The following HMGN1 variants were observed in gnomAD, a reference collection of about 807,000 sequenced individuals.
The protein encoded by HMGN1 is high mobility group nucleosome binding domain 1, also known as non-histone chromosomal protein HMG-14.
HMGN1 carries 9 observed loss-of-function variants against 18.4 expected under a neutral mutation model. The ratio of observed to expected loss-of-function variants is 0.49; its 90% CI spans 0.29 to 0.85. The LOEUF is 0.85. Ranked by LOEUF, HMGN1 falls within the 40% of genes least tolerant of loss-of-function variation. The pLI is 0.07. For missense variants in HMGN1, 151 were observed against 119.2 expected, an observed-to-expected ratio of 1.27 and a Z score of -1.24; for synonymous variants, 59 against 45.0, an observed-to-expected ratio of 1.31 and a Z score of -1.24.
chr21:39,343,296 T>C (rs144600869), intron 5 of HMGN1, 137 bp from the exon 6 acceptor site: 9 of 778,396 alleles, frequency 1.2e-5, no homozygotes, highest in East Asian at 2.7e-5. Context: ...TAAAAAACTT[T>C]TGTTAACCAC....
At chr21:39,347,920 T>C in intron 4 of HMGN1, 1 of 1,046,268 alleles carries the variant, frequency 9.6e-7, no homozygotes, top group Non-Finnish European at 1.2e-6. Context: ...ACTTACACGT[T>C]CCCTTTCTCC....
intron 5 of HMGN1, 133 bp from the exon 6 acceptor site, chr21:39,343,292 A>C: frequency 1.2e-6 from 1 of 809,948 alleles, no homozygotes; most frequent in African/African-American, 1.7e-5. Context: ...TTGTTAAAAA[A>C]CTTTTGTTAA....
At chr21:39,346,916 C>T (rs190382311) in intron 4 of HMGN1, 1 of 152,280 alleles carries the variant, frequency 6.6e-6, no homozygotes, top group Admixed American at 6.5e-5. Flanking sequence ...TGTCCCAAAC[C>T]CACTGAGAGT....
At chr21:39,345,626 A>C (rs2037023954) in intron 4 of HMGN1, 2 of 390,658 alleles carry the variant, frequency 5.1e-6, no homozygotes, top group East Asian at 6.7e-5. Flanking sequence ...CATTAGACAT[A>C]TGACAAATCC....
chr21:39,348,625 C>T, intron 1 of HMGN1, 48 bp from the exon 2 acceptor site: 3 of 1,521,590 alleles, frequency 2.0e-6, no homozygotes, highest in Non-Finnish European at 2.6e-6. Flanking sequence ...AGTCCCAGGA[C>T]TCGCGGGCCC....
intron 4 of HMGN1, chr21:39,345,597 G>A (rs2037022987): frequency 4.9e-6 from 2 of 405,262 alleles, no homozygotes; most frequent in East Asian, 1.2e-4. Flanking sequence ...GATTTTAATA[G>A]TACTTGCATG....
At chr21:39,346,100 G>GT in intron 4 of HMGN1, 1 of 464,150 alleles carries the variant, frequency 2.2e-6, no homozygotes, top group South Asian at 1.9e-5. Flanking sequence ...TTCCTTGTTA[G>GT]TAAGTATACA....
In HMGN1 at chr21:39,348,421, C is replaced by G; in HGVS notation, c.78+1G>C. On this transcript the variant is annotated splice_donor_variant, in intron 3 of 5. Coordinates refer to ENST00000380749, the MANE Select transcript of HMGN1 (RefSeq NM_004965.7). LOFTEE classifies it high-confidence loss of function. ...ACGGTTACGGGGCTCGCTTTACTTA[C>G]AGCTGACAACCGCGCCGATCTCCTC... The G allele has an allele frequency of 6.2e-7, 1 of 1,614,212 alleles. No individual in the cohort carries two copies. Among genetic ancestry groups the G allele is most frequent in the Non-Finnish European group, 8.5e-7 (1 of 1,180,046 alleles).
rs771814105 is a variant in HMGN1 at position 39,345,210 on chromosome 21, T to G, written c.191A>C (p.Glu64Ala). 6.2e-7 allele frequency: 1 copy of G among 1,613,818 alleles called. No homozygotes were observed. Among genetic ancestry groups the G allele is most frequent in the South Asian group, 1.1e-5 (1 of 91,066 alleles). The change falls in exon 5 of 6, where the codon GAA becomes GCA. Residue 64 changes from glutamate to alanine, a missense_variant. By Grantham distance (107) the Glu-to-Ala change is moderately radical. Transcript: ENST00000380749. ...TTCTTTAGTTTCTTGGTTAGCCACT[T>G]CGGCCTGTTTTCCCTTTGCTCCCCT... ...GKRGAKGKQA[E>A]VANQETKEDL...
rs1014086169 is a variant in HMGN1, at chr21:39,348,820, C to CA, written c.15+82dup. The CA allele has an allele frequency of 3.0e-5, 31 of 1,050,552 alleles. 2 individuals carry two copies. In the African/African-American group the frequency reaches 4.2e-4, roughly 14 times the overall value. 65.1% of individuals were successfully genotyped at this position (1,050,552 alleles called of 1,614,324 possible). On this transcript the variant is annotated intron_variant, in intron 1 of 5. Transcript: ENST00000380749. ...CCCGGGCCCGTCGCCACCGTGGGTG[C>CA]AACGGGGCCTGGGCCTCGCGGGGCC...
In HMGN1 at chr21:39,348,471, G is replaced by A; in HGVS notation, c.49-20C>T. The stretch of plus-strand genomic sequence containing the variant: ...CTTGGGCTTGGAGAAAGAAAAAGGA[G>A]AGTCAGCGAGAAGAGAAGGCAGGCC... On this transcript the variant is annotated intron_variant, in intron 2 of 5. Coordinates refer to ENST00000380749, the MANE Select transcript of HMGN1 (RefSeq NM_004965.7). 1 of 1,614,156 alleles carries A rather than the reference G, an allele frequency of 6.2e-7. No individual in the cohort carries two copies. Among genetic ancestry groups the A allele is most frequent in the South Asian group, 1.1e-5 (1 of 91,082 alleles).
intron 4 of HMGN1, chr21:39,347,262 A>G: frequency 1.2e-6 from 1 of 816,478 alleles, no homozygotes; most frequent in Non-Finnish European, 1.6e-6. Flanking sequence ...GTGAAGCTTT[A>G]TTTTTAAAAG....
At chr21:39,344,401 A>G (rs1281582770) in intron 5 of HMGN1, 1 of 152,218 alleles carries the variant, frequency 6.6e-6, no homozygotes, top group African/African-American at 2.4e-5. Flanking sequence ...TCAAATACTT[A>G]AGTGATATCA....
chr21:39,343,249 A>G (rs2776308), intron 5 of HMGN1, 90 bp from the exon 6 acceptor site: 384,866 of 1,252,700 alleles, frequency 0.31, 63,020 homozygotes, highest in Middle Eastern at 0.35. Context: ...AAAGTCAATA[A>G]CCTTTGTTAT....
chr21:39,348,292 C>A lies in HMGN1; in HGVS notation c.126G>T (p.Lys42Asn), dbSNP rs765254577. The change falls in exon 4 of 6, where the codon AAG (lysine) becomes AAT (asparagine). Residue 42 changes from lysine to asparagine, a missense_variant and splice_region_variant. Coordinates refer to ENST00000380749, the MANE Select transcript of HMGN1 (RefSeq NM_004965.7). ...TCCCAATGCGCGTTTCGAGGCTTAC[C>A]TTCGCTGCTGCCTTTTTCGGCTTCG... ...VEAKPKKAAA[K>N]DKSSDKKVQT... 6.2e-7 allele frequency: 1 copy of A among 1,614,090 alleles called. No individual in the cohort carries two copies. Among genetic ancestry groups the A allele is most frequent in the South Asian group, 1.1e-5 (1 of 91,084 alleles).
rs1208010936 is a variant in HMGN1 at position 39,349,039 on chromosome 21, C to T, written c.-122G>A. 6.3e-5 allele frequency: 69 copies of T among 1,102,644 alleles called. No individual in the cohort carries two copies. The highest frequency in any genetic ancestry group is 3.2e-4 in the South Asian group (7 of 21,994). 68.3% of individuals were successfully genotyped at this position (1,102,644 alleles called of 1,614,324 possible). On this transcript the variant is annotated 5_prime_UTR_variant, in exon 1 of 6. Coordinates refer to ENST00000380749, the MANE Select transcript of HMGN1 (RefSeq NM_004965.7). ...GCTGCCTTGCCGCTGCCACTCCTCC[C>T]GCCGCCCGAGCTGCTGAGACCCACA...
chr21:39,344,026 G>A (rs998251714), intron 5 of HMGN1, among the ~76,000 whole-genome samples: 12 of 152,034 alleles, frequency 7.9e-5, no homozygotes, highest in East Asian at 1.9e-4. Context: ...AGGCCAAGGC[G>A]GACAGATCAC....
Position 39,348,597 on chromosome 21 carries a change from C to T in HMGN1, c.16-20G>A, listed in dbSNP as rs764629545. ...GCTGACCTGCGGAGACGGAGACGCA[C>T]GAATAGAGGCGGGCCGCAGTCCCAG... is the stretch of plus-strand genomic sequence containing the variant. On this transcript the variant is annotated intron_variant, in intron 1 of 5. Coordinates refer to ENST00000380749, the MANE Select transcript of HMGN1 (RefSeq NM_004965.7). 13 of 1,578,902 alleles carry T rather than the reference C, an allele frequency of 8.2e-6. No homozygotes were observed. The South Asian group carries it at 1.1e-4, about 14-fold the overall frequency.
Position 39,348,274 on chromosome 21 carries a change from G to C in HMGN1, c.126+18C>G. On this transcript the variant is annotated intron_variant, in intron 4 of 5. Transcript: ENST00000380749. ...GCCTAAGGCCCCGCTGCATCCCAAT[G>C]CGCGTTTCGAGGCTTACCTTCGCTG... The C allele has an allele frequency of 6.2e-7, 1 of 1,613,884 alleles. No homozygotes were observed. Among genetic ancestry groups the C allele is most frequent in the South Asian group, 1.1e-5 (1 of 91,080 alleles).
Sources: gnomAD v4.1 joint callset for allele counts (sites outside exome capture counted in the v4.1 genomes callset) on GRCh38, gnomAD v4.1.1 for gene constraint, MANE v1.5 for transcripts, NCBI Gene and HGNC (gene_info 2026-07-23, HGNC 2026-07-21) for gene names.